The following PRIM2 variants were observed in gnomAD, a reference collection of about 807,000 sequenced individuals.
The protein encoded by PRIM2 is DNA primase subunit 2.
A neutral mutation model predicts 67.3 loss-of-function variants in PRIM2; 39 were observed. The observed-to-expected ratio is 0.58, with a 90% CI of 0.45 to 0.76. The LOEUF (loss-of-function observed/expected upper bound fraction) is 0.76, where lower values mean the gene tolerates loss of function less well. PRIM2 is among the 30% of genes least tolerant of loss of function. The pLI is 0.00. For synonymous variants in PRIM2, 143 were observed against 198.7 expected (o/e 0.72, Z 2.36); for missense variants, 398 against 598.7 (o/e 0.66, Z 3.50).
chr6:57,536,711 TA>T (rs1408812481), intron 9 of PRIM2, among the ~76,000 whole-genome samples: 1 of 152,162 alleles, frequency 6.6e-6, no homozygotes. Flanking sequence ...TTCTGCTGAG[TA>T]AAAAATGACA....
At chr6:57,299,466 G>A in the PRIM2 span, among the ~76,000 whole-genome samples, 1 of 152,146 alleles carries the variant, frequency 6.6e-6, no homozygotes, top group African/African-American at 2.4e-5. Flanking sequence ...TGCCATCAAT[G>A]GTTCTAGGGT....
At chr6:57,554,498 T>C (rs1274026561) in intron 10 of PRIM2, among the ~76,000 whole-genome samples, 1 of 151,780 alleles carries the variant, frequency 6.6e-6, no homozygotes, top group Non-Finnish European at 1.5e-5. Context: ...TCTAGAATCC[T>C]TTCTGTTTAT....
intron 7 of PRIM2, among the ~76,000 whole-genome samples, chr6:57,384,476 A>G (rs1047665907): frequency 2.6e-5 from 4 of 152,148 alleles, no homozygotes; most frequent in Non-Finnish European, 4.4e-5. Context: ...CAACAATCCT[A>G]TTTCTAAATA....
chr6:57,462,539 G>T (rs1773041911), intron 7 of PRIM2, among the ~76,000 whole-genome samples: 2 of 152,152 alleles, frequency 1.3e-5, no homozygotes, highest in Non-Finnish European at 2.9e-5. Flanking sequence ...CATGATATTG[G>T]ATTTGGTCAG....
intron 8 of PRIM2, among the ~76,000 whole-genome samples, chr6:57,529,966 C>T (rs1252112114): frequency 7.2e-5 from 11 of 151,920 alleles, no homozygotes; most frequent in African/African-American, 2.4e-4. Context: ...TATCACATGG[C>T]GAGGGGGCTG....
At chr6:57,444,560 C>T (rs1772304520) in intron 7 of PRIM2, among the ~76,000 whole-genome samples, 1 of 136,964 alleles carries the variant, frequency 7.3e-6, no homozygotes, top group African/African-American at 3.1e-5. Context: ...GGGCGAGATT[C>T]CATCTCAAAA....
intron 7 of PRIM2, among the ~76,000 whole-genome samples, chr6:57,501,356 G>A (rs1220267350): frequency 6.6e-6 from 1 of 152,048 alleles, no homozygotes; most frequent in Non-Finnish European, 1.5e-5. Flanking sequence ...CTGGACTGCA[G>A]TGGTGTGATC....
the PRIM2 span, among the ~76,000 whole-genome samples, chr6:57,301,638 C>T: frequency 6.6e-6 from 1 of 152,132 alleles, no homozygotes; most frequent in South Asian, 2.1e-4. Context: ...CCCATCTCTA[C>T]CAAAAATACA....
At chr6:57,516,775 C>G (rs1774497280) in intron 8 of PRIM2, among the ~76,000 whole-genome samples, 1 of 152,074 alleles carries the variant, frequency 6.6e-6, no homozygotes, top group Non-Finnish European at 1.5e-5. Flanking sequence ...TAAAGGAACT[C>G]TTACTGGTTG....
At chr6:57,475,391 A>T (rs1461313624) in intron 7 of PRIM2, among the ~76,000 whole-genome samples, 2 of 152,108 alleles carry the variant, frequency 1.3e-5, no homozygotes, top group Non-Finnish European at 2.9e-5. Context: ...ACCTAGACAA[A>T]CACTAATCTA....
At chr6:57,307,960 C>T in the PRIM2 span, among the ~76,000 whole-genome samples, 2 of 152,106 alleles carry the variant, frequency 1.3e-5, no homozygotes, top group African/African-American at 4.8e-5. Context: ...GGAAAATATC[C>T]AGCATATACA....
intron 4 of PRIM2, 114 bp downstream of exon 4, chr6:57,324,394 G>A: frequency 1.8e-6 from 1 of 569,826 alleles, no homozygotes; most frequent in Non-Finnish European, 3.2e-6. Flanking sequence ...AACATCAGGA[G>A]CCGGTTGATC....
intron 10 of PRIM2, among the ~76,000 whole-genome samples, chr6:57,552,917 C>T (rs1183476758): frequency 6.6e-6 from 1 of 152,062 alleles, no homozygotes; most frequent in African/African-American, 2.4e-5. Flanking sequence ...CTGTGATGAA[C>T]ATTCATCTCA....
At chr6:57,233,165 A>G in the PRIM2 span, among the ~76,000 whole-genome samples, 1 of 152,196 alleles carries the variant, frequency 6.6e-6, no homozygotes, top group Non-Finnish European at 1.5e-5. Flanking sequence ...AGAATTTCAG[A>G]TATATTCTTG....
chr6:57,422,154 C>CTTTATTTTTTTTTTTTTTTTTTTTTTTT (rs1177401174), intron 7 of PRIM2, among the ~76,000 whole-genome samples: 1 of 54,488 alleles, frequency 1.8e-5, no homozygotes, highest in Non-Finnish European at 4.3e-5. Context: ...TATTTCTTTT[C>CTTTATTTTTTTTTTTTTTTTTTTTTTTT]TTTCTTTTTT....
chr6:57,260,147 A>G, the PRIM2 span, among the ~76,000 whole-genome samples: 1 of 152,236 alleles, frequency 6.6e-6, no homozygotes, highest in African/African-American at 2.4e-5. Context: ...AAGATATAGT[A>G]TAGGAAAGAA....
chr6:57,497,726 C>T (rs1281942842), intron 7 of PRIM2: 2 of 152,162 alleles, frequency 1.3e-5, no homozygotes, highest in Non-Finnish European at 2.9e-5. Flanking sequence ...TTCCGTGTAT[C>T]AAAGCATTGT....
intron 7 of PRIM2, among the ~76,000 whole-genome samples, chr6:57,425,445 G>A (rs1429921796): frequency 6.6e-6 from 1 of 152,138 alleles, no homozygotes; most frequent in Non-Finnish European, 1.5e-5. Context: ...TCGATCTCTT[G>A]ACCTTGTGAT....
At chr6:57,485,773 G>T (rs1473807249) in intron 7 of PRIM2, among the ~76,000 whole-genome samples, 1 of 152,108 alleles carries the variant, frequency 6.6e-6, no homozygotes, top group Non-Finnish European at 1.5e-5. Flanking sequence ...ACATACAAAG[G>T]TTAATTAATT....
Sources: allele counts gnomAD v4.1 joint callset (sites outside exome capture counted in the v4.1 genomes callset), GRCh38; gene constraint gnomAD v4.1.1; transcripts MANE v1.5; gene names NCBI Gene and HGNC (gene_info 2026-07-23, HGNC 2026-07-21).